DPY19L3: variants seen among roughly 807,000 people sequenced by gnomAD.
DPY19L3 encodes the protein protein C-mannosyl-transferase DPY19L3.
In DPY19L3, 51 loss-of-function variants were observed where a neutral mutation model predicts 92.3. That is an observed-to-expected ratio of 0.55 (90% confidence interval 0.44 to 0.70). The LOEUF is 0.70. Among genes scored for constraint, DPY19L3 ranks in the 30% least tolerant of loss-of-function variants. The pLI, the probability that DPY19L3 is intolerant of heterozygous loss-of-function variation, is 0.00. For missense variants in DPY19L3, 706 were observed against 855.9 expected, an observed-to-expected ratio of 0.82 and a Z score of 2.18; for synonymous variants, 309 against 315.2, an observed-to-expected ratio of 0.98 and a Z score of 0.21.
chr19:32,462,480 A>G (rs748607586), intron 12 of DPY19L3, among the ~76,000 whole-genome samples: 6 of 152,238 alleles, frequency 3.9e-5, no homozygotes, highest in South Asian at 2.1e-4. Context: ...AGAGGGGACT[A>G]CTGTGCATCA....
intron 18 of DPY19L3, chr19:32,480,820 T>G (rs1173685872): frequency 3.8e-6 from 2 of 526,384 alleles, no homozygotes; most frequent in Non-Finnish European, 6.6e-6. Flanking sequence ...TTCAGCTCAT[T>G]TGTATGATGG....
intron 3 of DPY19L3, chr19:32,411,599 A>C (rs1369022541): frequency 2.3e-6 from 1 of 444,066 alleles, no homozygotes; most frequent in African/African-American, 2.0e-5. Flanking sequence ...ATGGAGTCTC[A>C]CTCTGTCACC....
chr19:32,480,838 C>T, intron 18 of DPY19L3: 2 of 491,640 alleles, frequency 4.1e-6, no homozygotes, highest in Middle Eastern at 5.2e-4. Flanking sequence ...TGGGGCTCTG[C>T]ATAAAATGTA....
chr19:32,442,214 A>G (rs2145511604), intron 8 of DPY19L3, among the ~76,000 whole-genome samples: 1 of 152,360 alleles, frequency 6.6e-6, no homozygotes, highest in South Asian at 2.1e-4. Flanking sequence ...ACATTTTGTC[A>G]TCTTTTCATG....
At chr19:32,476,689 G>A (rs528723951) in intron 16 of DPY19L3, among the ~76,000 whole-genome samples, 5 of 152,186 alleles carry the variant, frequency 3.3e-5, no homozygotes, top group South Asian at 2.1e-4. Flanking sequence ...AAATCGTAGC[G>A]TGGTGGGAAC....
At chr19:32,473,819 A>AT (rs984415978) in intron 16 of DPY19L3, among the ~76,000 whole-genome samples, 2 of 152,132 alleles carry the variant, frequency 1.3e-5, no homozygotes, top group African/African-American at 4.8e-5. Context: ...TATTTTATTT[A>AT]TTTTTTGAGA....
At chr19:32,412,341 G>C (rs1360673863) in intron 3 of DPY19L3, 1 of 148,932 alleles carries the variant, frequency 6.7e-6, no homozygotes, top group African/African-American at 2.5e-5. Context: ...CATCTAGTAG[G>C]GTTGAGGATT....
At position 32,484,066 on chromosome 19, in the gene DPY19L3, C is replaced by T. The variant is rs1019647532; in HGVS notation, c.*1826C>T. On this transcript the variant is annotated 3_prime_UTR_variant, in exon 19 of 19. Transcript: ENST00000392250. ...TTTGGGCATTTGGAGTCTTAATATA[C>T]AAGAAACACGTACTTAAATTTTTAT... 6.6e-6 allele frequency: 1 copy of T among 152,432 alleles called. No individual in the cohort carries two copies. The highest frequency in any genetic ancestry group is 2.4e-5 in the African/African-American group (1 of 41,424). 9.4% of individuals were successfully genotyped at this position (152,432 alleles called of 1,614,324 possible).
Position 32,478,317 on chromosome 19 carries a change from G to A in DPY19L3, c.1830+663G>A, listed in dbSNP as rs147632204. ...CCAGGGAAGAACCGAGAAGACACACGCCTTGAGATGTGCAGAAGAGCGCAT... is the reference window on the plus strand; with the variant it reads ...CCAGGGAAGAACCGAGAAGACACACACCTTGAGATGTGCAGAAGAGCGCAT... On this transcript the variant is annotated intron_variant, in intron 17 of 18. Transcript: ENST00000392250. 8.3e-4 allele frequency among the ~76,000 whole-genome samples: 127 copies of A among 152,310 alleles called. 2 individuals are homozygous for A. In the East Asian group the frequency reaches 0.022, roughly 26 times the overall value.
At chr19:32,452,343 G>A (rs533710920) in intron 8 of DPY19L3, among the ~76,000 whole-genome samples, 3 of 152,352 alleles carry the variant, frequency 2.0e-5, no homozygotes, top group Admixed American at 6.5e-5. Context: ...TGAGGTCAAA[G>A]AGGACAAGGT....
intron 3 of DPY19L3, among the ~76,000 whole-genome samples, chr19:32,427,491 A>T (rs1413561575): frequency 6.6e-6 from 1 of 152,134 alleles, no homozygotes; most frequent in African/African-American, 2.4e-5. Flanking sequence ...TTTACTTGAT[A>T]TTGCCGAATT....
intron 3 of DPY19L3, among the ~76,000 whole-genome samples, chr19:32,417,521 A>G (rs973059355): frequency 6.6e-6 from 1 of 152,106 alleles, no homozygotes; most frequent in Non-Finnish European, 1.5e-5. Flanking sequence ...GGATTTCACC[A>G]TGTTGGTCAG....
intron 8 of DPY19L3, among the ~76,000 whole-genome samples, chr19:32,449,641 A>C (rs1232800769): frequency 1.3e-5 from 2 of 152,192 alleles, no homozygotes; most frequent in Non-Finnish European, 2.9e-5. Flanking sequence ...ATTAATTTTC[A>C]ACAAGGGTGT....
chr19:32,469,880 A>G (rs1970305758), intron 16 of DPY19L3, among the ~76,000 whole-genome samples: 1 of 152,262 alleles, frequency 6.6e-6, no homozygotes, highest in South Asian at 2.1e-4. Flanking sequence ...ACTTTTAACC[A>G]GAAAGCAGCA....
chr19:32,472,401 A>T (rs561215759), intron 16 of DPY19L3, among the ~76,000 whole-genome samples: 7 of 152,058 alleles, frequency 4.6e-5, no homozygotes, highest in East Asian at 1.9e-4. Context: ...TTGTGCATTC[A>T]CCTGCCTGCT....
At chr19:32,431,096 A>C (rs1196920137) in intron 3 of DPY19L3, among the ~76,000 whole-genome samples, 1 of 152,016 alleles carries the variant, frequency 6.6e-6, no homozygotes, top group Non-Finnish European at 1.5e-5. Flanking sequence ...ATGAAAAAGC[A>C]TGGCCGGGTG....
At chr19:32,420,042 T>G (rs557758571) in intron 3 of DPY19L3, among the ~76,000 whole-genome samples, 4 of 151,886 alleles carry the variant, frequency 2.6e-5, no homozygotes, top group African/African-American at 7.2e-5. Flanking sequence ...GTATTTTTAG[T>G]GGAGACGGGG....
chr19:32,440,200 A>G (rs959516504), intron 8 of DPY19L3, among the ~76,000 whole-genome samples: 1 of 152,256 alleles, frequency 6.6e-6, no homozygotes, highest in Non-Finnish European at 1.5e-5. Context: ...AAAATATAAG[A>G]TAGCTCTTTT....
intron 3 of DPY19L3, among the ~76,000 whole-genome samples, chr19:32,425,521 A>G (rs1968729003): frequency 6.6e-6 from 1 of 152,024 alleles, no homozygotes; most frequent in South Asian, 2.1e-4. Flanking sequence ...ACTGTGCTCC[A>G]TCGTGGGTAA....
Sources: gnomAD v4.1 joint callset for allele counts (sites outside exome capture counted in the v4.1 genomes callset) on GRCh38, gnomAD v4.1.1 for gene constraint, MANE v1.5 for transcripts, NCBI Gene and HGNC (gene_info 2026-07-23, HGNC 2026-07-21) for gene names.